The following PDE8B variants were observed in gnomAD, a reference collection of about 807,000 sequenced individuals.
PDE8B encodes phosphodiesterase 8B.
In PDE8B, 26 loss-of-function variants were observed where a neutral mutation model predicts 101.3. The observed-to-expected ratio is 0.26, with a 90% CI of 0.19 to 0.36. The LOEUF (loss-of-function observed/expected upper bound fraction) is 0.36, where lower values mean the gene tolerates loss of function less well. Among genes scored for constraint, PDE8B ranks in the 10% least tolerant of loss-of-function variants. The probability of loss-of-function intolerance (pLI) is 1.00; values close to 1 mark genes in which losing one functional copy is unlikely to be tolerated. For missense variants in PDE8B, 810 were observed against 1,163.1 expected, an observed-to-expected ratio of 0.70 and a Z score of 4.42; for synonymous variants, 424 against 429.3, an observed-to-expected ratio of 0.99 and a Z score of 0.15.
chr5:77,362,140 A>C (rs1783214222), intron 10 of PDE8B, among the ~76,000 whole-genome samples: 1 of 152,244 alleles, frequency 6.6e-6, no homozygotes, highest in Non-Finnish European at 1.5e-5. Context: ...GGAAAGCAGC[A>C]ATAGATGATA....
chr5:77,313,104 C>T (rs182594997), intron 2 of PDE8B, among the ~76,000 whole-genome samples: 11 of 152,260 alleles, frequency 7.2e-5, no homozygotes, highest in Non-Finnish European at 1.2e-4. Flanking sequence ...AAAACTGTAG[C>T]TTATTAGCAC....
At chr5:77,143,063 G>A in the PDE8B span, among the ~76,000 whole-genome samples, 8 of 152,044 alleles carry the variant, frequency 5.3e-5, no homozygotes, top group Non-Finnish European at 4.4e-5. Context: ...CTAGGATATC[G>A]GGAACCAGAA....
intron 1 of PDE8B, among the ~76,000 whole-genome samples, chr5:77,286,819 T>C (rs970861026): frequency 6.6e-6 from 1 of 152,218 alleles, no homozygotes; most frequent in African/African-American, 2.4e-5. Context: ...TCCTCCCCTT[T>C]TAGCTTATTA....
the PDE8B span, among the ~76,000 whole-genome samples, chr5:77,172,028 ACAGT>A: frequency 1.3e-5 from 2 of 152,152 alleles, no homozygotes; most frequent in African/African-American, 2.4e-5. Flanking sequence ...AACCCAAACT[ACAGT>A]CAGCCTTCAT....
intron 10 of PDE8B, among the ~76,000 whole-genome samples, chr5:77,385,837 G>T (rs11741219): frequency 1.5e-5 from 2 of 134,244 alleles, no homozygotes; most frequent in African/African-American, 3.0e-5. Context: ...TTGCACTGTC[G>T]CAGTGCAATG....
chr5:77,129,651 C>T, the PDE8B span, among the ~76,000 whole-genome samples: 15 of 152,274 alleles, frequency 9.9e-5, no homozygotes, highest in East Asian at 2.3e-3. Context: ...TGTGGATTGG[C>T]CCTGATACTT....
chr5:77,104,465 A>G, the PDE8B span: 1 of 152,326 alleles, frequency 6.6e-6, no homozygotes, highest in South Asian at 2.1e-4. Flanking sequence ...TAAGGCCTTT[A>G]TAAAAGAGGC....
intron 10 of PDE8B, among the ~76,000 whole-genome samples, chr5:77,356,838 C>G (rs977189994): frequency 7.9e-5 from 12 of 152,122 alleles, no homozygotes; most frequent in Non-Finnish European, 1.8e-4. Flanking sequence ...CAGACCTGGT[C>G]TGGACTTTCC....
the PDE8B span, among the ~76,000 whole-genome samples, chr5:77,172,412 G>A: frequency 6.6e-6 from 1 of 152,212 alleles, no homozygotes; most frequent in Admixed American, 6.5e-5. Flanking sequence ...TTGCACCTAG[G>A]AGAAGCAGAC....
At chr5:77,189,790 A>G in the PDE8B span, among the ~76,000 whole-genome samples, 585 of 152,234 alleles carry the variant, frequency 3.8e-3, 4 homozygotes, top group African/African-American at 0.012. Context: ...GGGGTCTGAC[A>G]GTTTGTAGGA....
the PDE8B span, among the ~76,000 whole-genome samples, chr5:77,172,139 G>A: frequency 6.6e-6 from 1 of 152,170 alleles, no homozygotes. Context: ...ATGCGTGGAT[G>A]GGGAAGAAGC....
chr5:77,365,523 C>T (rs369062389), intron 10 of PDE8B, among the ~76,000 whole-genome samples: 26 of 152,292 alleles, frequency 1.7e-4, no homozygotes, highest in African/African-American at 6.0e-4. Flanking sequence ...ATGCCTTCAT[C>T]GTCATCATCT....
intron 10 of PDE8B, among the ~76,000 whole-genome samples, chr5:77,386,137 A>G (rs745929303): frequency 2.0e-5 from 3 of 152,146 alleles, no homozygotes; most frequent in Non-Finnish European, 4.4e-5. Flanking sequence ...CTGTGGTCTG[A>G]GAGACTGTTT....
At chr5:77,176,679 T>C in the PDE8B span, among the ~76,000 whole-genome samples, 1 of 152,118 alleles carries the variant, frequency 6.6e-6, no homozygotes, top group Admixed American at 6.6e-5. Context: ...GATGCAATAA[T>C]GGAAGTGGTG....
At position 77,353,401 on chromosome 5, in the gene PDE8B, A is replaced by G; in HGVS notation, c.1162A>G (p.Lys388Glu). The change falls in exon 10 of 22, where the codon AAG becomes GAG. Residue 388 changes from lysine to glutamate, a missense_variant. Physicochemically the swap from Lys to Glu is moderately conservative, Grantham distance 56. Around this residue, in one of 4 missense-constraint regions of PDE8B, gnomAD observed 75 missense variants for 76.9 expected, o/e 0.98. Coordinates refer to ENST00000264917, the MANE Select transcript of PDE8B (RefSeq NM_003719.5). ...KKLCCTTDNN[K>E]QIHKIHRDSG... ...ACTGTGTTGTACCACTGACAATAAT[A>G]AGCAGGTATGGTATTAGCTCACTTC... The G allele has an allele frequency of 6.3e-7, 1 of 1,592,374 alleles. No homozygotes were observed. Among genetic ancestry groups the G allele is most frequent in the Non-Finnish European group, 8.6e-7 (1 of 1,160,196 alleles).
intron 6 of PDE8B, among the ~76,000 whole-genome samples, chr5:77,338,798 T>C (rs1397162156): frequency 6.6e-6 from 1 of 152,230 alleles, no homozygotes; most frequent in Non-Finnish European, 1.5e-5. Flanking sequence ...TCTTCAACTG[T>C]GTATTACCCA....
intron 1 of PDE8B, among the ~76,000 whole-genome samples, chr5:77,288,554 T>C (rs568774480): frequency 6.6e-6 from 1 of 152,314 alleles, no homozygotes; most frequent in Non-Finnish European, 1.5e-5. Context: ...TCCAGGGTCA[T>C]ACAGACCCTG....
chr5:77,194,538 C>T, the PDE8B span, among the ~76,000 whole-genome samples: 5 of 152,072 alleles, frequency 3.3e-5, no homozygotes, highest in South Asian at 4.2e-4. Context: ...TATCAAGTTC[C>T]GGAATTTTTT....
chr5:77,259,749 G>A (rs999070694), intron 1 of PDE8B, among the ~76,000 whole-genome samples: 1 of 152,148 alleles, frequency 6.6e-6, no homozygotes, highest in Non-Finnish European at 1.5e-5. Flanking sequence ...GGGTGGTGGG[G>A]GTATGTTTCC....
Sources: allele counts gnomAD v4.1 joint callset (sites outside exome capture counted in the v4.1 genomes callset), GRCh38; gene constraint gnomAD v4.1.1; regional missense constraint gnomAD v4.1.1; transcripts MANE v1.5; gene names NCBI Gene and HGNC (gene_info 2026-07-23, HGNC 2026-07-21).